Variants in LAPTM4B observed in about 807,000 individuals in gnomAD.
LAPTM4B encodes the protein lysosomal protein transmembrane 4 beta, also known as lysosomal-associated transmembrane protein 4B.
In LAPTM4B, 26 loss-of-function variants were observed where a neutral mutation model predicts 28.5. The observed-to-expected ratio is 0.91, with a 90% CI of 0.67 to 1.27. The LOEUF is 1.27. Ranked by LOEUF, LAPTM4B falls within the 50% of genes most tolerant of loss-of-function variation. The pLI, the probability that LAPTM4B is intolerant of heterozygous loss-of-function variation, is 0.00. For synonymous variants in LAPTM4B, 109 were observed against 106.4 expected, an observed-to-expected ratio of 1.02 and a Z score of -0.15; for missense variants, 288 against 285.8, an observed-to-expected ratio of 1.01 and a Z score of -0.06.
At chr8:97,845,163 G>A (rs75806373) in intron 6 of LAPTM4B, among the ~76,000 whole-genome samples, 4,455 of 152,152 alleles carry the variant, frequency 0.029, 208 homozygotes, top group African/African-American at 0.1. Flanking sequence ...CATTTTCTCC[G>A]CTGCTTTATC....
chr8:97,790,679 C>G (rs1816483749), intron 1 of LAPTM4B, among the ~76,000 whole-genome samples: 1 of 152,098 alleles, frequency 6.6e-6, no homozygotes, highest in African/African-American at 2.4e-5. Context: ...CTCCTGATCT[C>G]AAGTTATCTG....
intron 6 of LAPTM4B, 58 bp from the exon 7 acceptor site, chr8:97,851,339 C>G: frequency 7.2e-7 from 1 of 1,395,152 alleles, no homozygotes; most frequent in South Asian, 1.2e-5. Flanking sequence ...AAAGCTAAAC[C>G]TCGGGGAACG....
Position 97,851,408 on chromosome 8 carries a change from C to T in LAPTM4B, c.615C>T (p.Pro205=), listed in dbSNP as rs1817521253. ...VTSNDTTVLL[P]PYDDATVNGA... ...CTCTTTCTTCTCAGGTGCTGCTACC[C>T]CCGTATGATGATGCCACTGTGAATG... Residue 205 remains proline (P), a synonymous_variant, in exon 7 of 7, where the codon CCC becomes CCT. Transcript: ENST00000521545. 8.1e-6 allele frequency: 13 copies of T among 1,613,980 alleles called. No homozygotes were observed. Among genetic ancestry groups the T allele is most frequent in the South Asian group, 1.1e-5 (1 of 91,066 alleles).
intron 5 of LAPTM4B, among the ~76,000 whole-genome samples, chr8:97,822,663 C>G (rs577277989): frequency 2.6e-5 from 4 of 151,672 alleles, no homozygotes; most frequent in South Asian, 2.1e-4. Flanking sequence ...TGTATTTATA[C>G]AGACATTAAA....
At chr8:97,848,012 C>A (rs1817457987) in intron 6 of LAPTM4B, among the ~76,000 whole-genome samples, 1 of 152,136 alleles carries the variant, frequency 6.6e-6, no homozygotes, top group African/African-American at 2.4e-5. Flanking sequence ...GCCTATAATC[C>A]CTGTACTTTG....
At chr8:97,793,977 G>GT (rs1260325045) in intron 1 of LAPTM4B, among the ~76,000 whole-genome samples, 1 of 151,950 alleles carries the variant, frequency 6.6e-6, no homozygotes, top group Non-Finnish European at 1.5e-5. Context: ...CCAGCTAATT[G>GT]TTTTTTGTTT....
chr8:97,841,289 G>A (rs991212473), intron 6 of LAPTM4B, among the ~76,000 whole-genome samples: 4 of 152,222 alleles, frequency 2.6e-5, no homozygotes, highest in Non-Finnish European at 5.9e-5. Flanking sequence ...ATATATCATA[G>A]GTGGGGCATT....
intron 6 of LAPTM4B, among the ~76,000 whole-genome samples, chr8:97,845,841 C>T (rs1817421174): frequency 8.5e-6 from 1 of 118,328 alleles, no homozygotes; most frequent in African/African-American, 3.2e-5. Context: ...TTCTCTTTTC[C>T]TTCCTTTTCC....
chr8:97,821,453 A>G (rs1317956047), intron 5 of LAPTM4B, among the ~76,000 whole-genome samples: 1 of 152,058 alleles, frequency 6.6e-6, no homozygotes. Flanking sequence ...GTCCAGTGCC[A>G]GTTTGGAGGC....
At chr8:97,790,621 T>G (rs1172471147) in intron 1 of LAPTM4B, among the ~76,000 whole-genome samples, 1 of 152,054 alleles carries the variant, frequency 6.6e-6, no homozygotes, top group Non-Finnish European at 1.5e-5. Flanking sequence ...AATTTTTGTA[T>G]TTTTAGTGGA....
intron 6 of LAPTM4B, among the ~76,000 whole-genome samples, chr8:97,839,587 A>C (rs186444205): frequency 1.3e-5 from 2 of 152,318 alleles, no homozygotes; most frequent in East Asian, 3.9e-4. Flanking sequence ...ACATTCGAGA[A>C]GACTACACGA....
Position 97,782,553 on chromosome 8 carries a change from C to G in LAPTM4B, c.99+6445C>G, listed in dbSNP as rs552931216. On this transcript the variant is annotated intron_variant, in intron 1 of 6. Coordinates refer to ENST00000521545, the MANE Select transcript of LAPTM4B (RefSeq NM_018407.6). ...TCCCGGGTTCAAGCGATTCTCCTGCCTCAGTCTCCTGAGTAGCTGGTACTA... is the reference window on the plus strand; with the variant it reads ...TCCCGGGTTCAAGCGATTCTCCTGCGTCAGTCTCCTGAGTAGCTGGTACTA... Among the ~76,000 whole-genome samples the G allele has an allele frequency of 3.3e-5, 5 of 150,950 alleles. No homozygotes were observed. The East Asian group carries it at 7.9e-4, about 24-fold the overall frequency.
intron 1 of LAPTM4B, among the ~76,000 whole-genome samples, chr8:97,795,665 C>T (rs1184863730): frequency 6.6e-6 from 1 of 151,752 alleles, no homozygotes; most frequent in East Asian, 1.9e-4. Flanking sequence ...CCAGCCTGGC[C>T]AACATGGTGA....
chr8:97,809,798 GA>G (rs1400809509), intron 2 of LAPTM4B, among the ~76,000 whole-genome samples: 1 of 152,162 alleles, frequency 6.6e-6, no homozygotes, highest in Non-Finnish European at 1.5e-5. Flanking sequence ...AGACAGAGCA[GA>G]ACTCTTTCTC....
chr8:97,797,790 C>G (rs992546373), intron 1 of LAPTM4B, among the ~76,000 whole-genome samples: 1 of 152,086 alleles, frequency 6.6e-6, no homozygotes, highest in Non-Finnish European at 1.5e-5. Flanking sequence ...TGATAGATGA[C>G]TTATGGGTGA....
chr8:97,789,593 T>G (rs1031586823), intron 1 of LAPTM4B, among the ~76,000 whole-genome samples: 5 of 149,318 alleles, frequency 3.3e-5, no homozygotes, highest in African/African-American at 1.2e-4. Context: ...AATGGTGTGA[T>G]CTCGGCTCAT....
At chr8:97,842,747 G>A (rs903329003) in intron 6 of LAPTM4B, among the ~76,000 whole-genome samples, 5 of 152,072 alleles carry the variant, frequency 3.3e-5, no homozygotes, top group East Asian at 1.9e-4. Flanking sequence ...TCTAACTCCT[G>A]ACCTTGTGAT....
chr8:97,820,866 C>T (rs1264450685), intron 5 of LAPTM4B, among the ~76,000 whole-genome samples: 2 of 151,810 alleles, frequency 1.3e-5, no homozygotes, highest in African/African-American at 4.8e-5. Flanking sequence ...GTAGCTGGGA[C>T]TACAGGCGCC....
Position 97,825,134 on chromosome 8 carries a change from T to C in LAPTM4B, c.584T>C (p.Val195Ala). The C allele has an allele frequency of 1.2e-6, 2 of 1,600,664 alleles. No individual in the cohort carries two copies. The highest frequency in any genetic ancestry group is 1.7e-6 in the Non-Finnish European group (2 of 1,167,804). The change falls in exon 6 of 7, where the codon GTT (valine) becomes GCT (alanine). Residue 195 changes from valine (V) to alanine (A), a missense_variant. Transcript: ENST00000521545. ...AACTCCTCTGATGTCCTGGTTTATG[T>C]TACCAGCAATGACACTACGGTAGGT... Reference protein sequence around the residue: ...GRNSSDVLVYVTSNDTTVLLP... With the variant: ...GRNSSDVLVYATSNDTTVLLP...
Sources: allele counts gnomAD v4.1 joint callset (sites outside exome capture counted in the v4.1 genomes callset), GRCh38; gene constraint gnomAD v4.1.1; transcripts MANE v1.5; gene names NCBI Gene and HGNC (gene_info 2026-07-23, HGNC 2026-07-21).